Variants in CERT1 observed in about 807,000 individuals in gnomAD.
CERT1 encodes ceramide transporter 1.
In CERT1, 31 loss-of-function variants were observed where a neutral mutation model predicts 87.9. The observed-to-expected ratio is 0.35, with a 90% CI of 0.27 to 0.48. CERT1 has a LOEUF of 0.48. Ranked by LOEUF, CERT1 falls within the 20% of genes least tolerant of loss-of-function variation. CERT1 has a pLI of 0.99. For missense variants in CERT1, 487 were observed against 758.0 expected, an observed-to-expected ratio of 0.64 and a Z score of 4.20; for synonymous variants, 289 against 250.9, an observed-to-expected ratio of 1.15 and a Z score of -1.44.
In CERT1 at chr5:75,437,208, A is replaced by C. The variant is rs571234572; in HGVS notation, c.349-10730T>G. On this transcript the variant is annotated intron_variant, in intron 3 of 16. Transcript: ENST00000643780. ...ATCTTAAAACAAAATATAAACATTA[A>C]ACACTTTACTAACGGTGTCTTCACT... Among the ~76,000 whole-genome samples the C allele has an allele frequency of 3.3e-5, 5 of 152,330 alleles. No individual in the cohort carries two copies. In the East Asian group the frequency reaches 5.8e-4, roughly 18 times the overall value.
chr5:75,374,585 T>A, downstream of CERT1: 1 of 703,444 alleles, frequency 1.4e-6, no homozygotes, highest in Non-Finnish European at 2.6e-6. Context: ...AATTCGTCAT[T>A]TGAAACACAG....
chr5:75,425,273 T>C (rs1763566094), intron 5 of CERT1, 88 bp downstream of exon 5: 2 of 1,305,600 alleles, frequency 1.5e-6, no homozygotes, highest in South Asian at 1.4e-5. Context: ...TAAACACCTT[T>C]ATCACTTAAA....
At chr5:75,510,145 T>C (rs1326698393) in intron 1 of CERT1, among the ~76,000 whole-genome samples, 1 of 152,170 alleles carries the variant, frequency 6.6e-6, no homozygotes, top group Non-Finnish European at 1.5e-5. Context: ...GCACATGACA[T>C]AGTATCTTAT....
intron 2 of CERT1, among the ~76,000 whole-genome samples, chr5:75,472,442 A>G (rs1049540742): frequency 2.0e-5 from 3 of 152,222 alleles, no homozygotes; most frequent in Non-Finnish European, 4.4e-5. Context: ...CAAACTAAAA[A>G]GCTTCTGCAC....
chr5:75,399,092 A>G (rs564009902), intron 11 of CERT1, among the ~76,000 whole-genome samples: 1 of 152,340 alleles, frequency 6.6e-6, no homozygotes, highest in Non-Finnish European at 1.5e-5. Context: ...AGTACCTCCT[A>G]TATGACAAAA....
At chr5:75,472,114 T>C (rs1020745121) in intron 2 of CERT1, among the ~76,000 whole-genome samples, 2 of 152,082 alleles carry the variant, frequency 1.3e-5, no homozygotes, top group African/African-American at 4.8e-5. Context: ...AGTCCAGAAA[T>C]AAATCCATGC....
At position 75,426,519 on chromosome 5, in the gene CERT1, A is replaced by G; in HGVS notation, c.349-41T>C. On this transcript the variant is annotated intron_variant, in intron 3 of 16. Coordinates refer to ENST00000643780, the MANE Select transcript of CERT1 (RefSeq NM_001379029.1). ...AACTATGTGAAAAGAATTTAAATAAAAAATACTTGAGAAAACAAAAGGTTT... is the reference window on the plus strand; with the variant it reads ...AACTATGTGAAAAGAATTTAAATAAGAAATACTTGAGAAAACAAAAGGTTT... The G allele has an allele frequency of 3.5e-6, 5 of 1,414,058 alleles. No individual in the cohort carries two copies. The African/African-American group carries it at 4.3e-5, about 12-fold the overall frequency. 87.6% of individuals were successfully genotyped at this position (1,414,058 alleles called of 1,614,324 possible).
At chr5:75,510,837 G>A (rs183816374) in intron 1 of CERT1, among the ~76,000 whole-genome samples, 125 of 152,180 alleles carry the variant, frequency 8.2e-4, no homozygotes, top group Admixed American at 1.6e-3. Flanking sequence ...GACAGCTGCC[G>A]CCCTAAGTCC....
At chr5:75,470,600 T>A (rs375194070) in intron 2 of CERT1, among the ~76,000 whole-genome samples, 1 of 152,092 alleles carries the variant, frequency 6.6e-6, no homozygotes, top group African/African-American at 2.4e-5. Flanking sequence ...AAATTAGTTA[T>A]AGAAGAAATG....
At chr5:75,410,097 G>A (rs993934800) in intron 8 of CERT1, among the ~76,000 whole-genome samples, 23 of 152,078 alleles carry the variant, frequency 1.5e-4, no homozygotes, top group African/African-American at 5.1e-4. Context: ...GAGCCAGTGC[G>A]CTAGCCTCAA....
At chr5:75,461,990 A>G (rs1361782764) in intron 2 of CERT1, among the ~76,000 whole-genome samples, 1 of 152,214 alleles carries the variant, frequency 6.6e-6, no homozygotes, top group Non-Finnish European at 1.5e-5. Context: ...TCCTGTCTTT[A>G]TTAAAAATTT....
At chr5:75,387,122 G>GCCT (rs971269922) in intron 12 of CERT1, among the ~76,000 whole-genome samples, 1 of 152,002 alleles carries the variant, frequency 6.6e-6, no homozygotes, top group African/African-American at 2.4e-5. Flanking sequence ...GCCCGCCTTG[G>GCCT]CCTCCCAAAG....
rs771828049 is a variant in CERT1 at position 75,384,659 on chromosome 5, T to C, written c.1471A>G (p.Ile491Val). ...ATCTTTACCTTGTGTGTTTGATAAA[T>C]GATGATTGCATTATCAGCTAATGTT... Reference protein sequence around the residue: ...VETLADNAIIIYQTHKRVWPA... With the variant: ...VETLADNAIIVYQTHKRVWPA... The change falls in exon 14 of 17, where the codon ATT becomes GTT. Residue 491 changes from isoleucine (I) to valine (V), a missense_variant. By Grantham distance (29) the Ile-to-Val change is conservative (BLOSUM62 3). This residue lies in a region of CERT1 where 147 missense variants were observed against 200.8 expected (regional missense o/e 0.73). Transcript: ENST00000643780. 1 of 1,605,518 alleles carries C rather than the reference T, an allele frequency of 6.2e-7. No individual in the cohort carries two copies. The highest frequency in any genetic ancestry group is 2.2e-5 in the East Asian group (1 of 44,734).
intron 2 of CERT1, among the ~76,000 whole-genome samples, chr5:75,474,407 A>G (rs1252185961): frequency 6.6e-6 from 1 of 152,156 alleles, no homozygotes; most frequent in Admixed American, 6.5e-5. Context: ...GTCCTGCTAC[A>G]GTTACAGTTT....
intron 11 of CERT1, among the ~76,000 whole-genome samples, chr5:75,394,071 G>C (rs1032917405): frequency 2.6e-5 from 4 of 152,166 alleles, no homozygotes; most frequent in Non-Finnish European, 4.4e-5. Flanking sequence ...TAACCCAAAA[G>C]AGAGATGGCT....
chr5:75,391,151 C>A (rs1762016169), intron 11 of CERT1, among the ~76,000 whole-genome samples: 1 of 152,112 alleles, frequency 6.6e-6, no homozygotes, highest in African/African-American at 2.4e-5. Flanking sequence ...GAGACAGGGT[C>A]TCGCCATCTG....
At chr5:75,508,227 A>T (rs1767746722) in intron 1 of CERT1, among the ~76,000 whole-genome samples, 1 of 152,062 alleles carries the variant, frequency 6.6e-6, no homozygotes. Flanking sequence ...ACAGTGGTCA[A>T]GTTACTTATT....
intron 1 of CERT1, among the ~76,000 whole-genome samples, chr5:75,510,794 C>T (rs1235594472): frequency 6.6e-6 from 1 of 152,110 alleles, no homozygotes; most frequent in East Asian, 1.9e-4. Flanking sequence ...GTTCGGACAC[C>T]GCTGAAGCCC....
At chr5:75,400,970 G>A (rs1762447957) in intron 9 of CERT1, 1 of 152,204 alleles carries the variant, frequency 6.6e-6, no homozygotes, top group Non-Finnish European at 1.5e-5. Flanking sequence ...TCAAACATGT[G>A]TGATGTAAGT....
Sources: allele counts gnomAD v4.1 joint callset (sites outside exome capture counted in the v4.1 genomes callset), GRCh38; gene constraint gnomAD v4.1.1; regional missense constraint gnomAD v4.1.1; transcripts MANE v1.5; gene names NCBI Gene and HGNC (gene_info 2026-07-23, HGNC 2026-07-21).